The following DTNA variants were observed in gnomAD, a reference collection of about 807,000 sequenced individuals.
DTNA encodes the protein dystrobrevin alpha, also known as dystrophin-related protein 3.
In DTNA, 43 loss-of-function variants were observed where a neutral mutation model predicts 100.7. The observed-to-expected ratio is 0.43, with a 90% CI of 0.33 to 0.55. The LOEUF is 0.55. DTNA is among the 20% of genes least tolerant of loss of function. DTNA has a pLI of 0.04. For missense variants in DTNA, 798 were observed against 953.9 expected (o/e 0.84, Z 2.15); for synonymous variants, 349 against 347.9 (o/e 1.00, Z -0.04).
chr18:34,640,672 A>G (rs1430458141), intron 1 of DTNA, among the ~76,000 whole-genome samples: 2 of 152,218 alleles, frequency 1.3e-5, no homozygotes, highest in African/African-American at 4.8e-5. Context: ...GCTTTAACCA[A>G]CTGCCTAGAA....
chr18:34,503,223 C>T (rs2040118761), intron 1 of DTNA, among the ~76,000 whole-genome samples: 1 of 151,134 alleles, frequency 6.6e-6, no homozygotes, highest in African/African-American at 2.4e-5. Flanking sequence ...GTACTTTCCA[C>T]TGGCCCATAT....
chr18:34,762,199 A>G (rs1211074440), intron 2 of DTNA, among the ~76,000 whole-genome samples: 1 of 152,226 alleles, frequency 6.6e-6, no homozygotes, highest in African/African-American at 2.4e-5. Flanking sequence ...TACGCTTTTT[A>G]ATAAGACTAC....
chr18:34,629,587 G>A (rs186815730), intron 1 of DTNA, among the ~76,000 whole-genome samples: 57 of 152,246 alleles, frequency 3.7e-4, no homozygotes, highest in African/African-American at 1.1e-3. Context: ...AATTCAAGTC[G>A]TAGTGAGATA....
chr18:34,703,201 G>A (rs554762193), intron 1 of DTNA, among the ~76,000 whole-genome samples: 1 of 152,142 alleles, frequency 6.6e-6, no homozygotes, highest in South Asian at 2.1e-4. Context: ...GGTCATCACT[G>A]GGATGTAGAG....
intron 1 of DTNA, among the ~76,000 whole-genome samples, chr18:34,691,159 A>G (rs2079702002): frequency 6.6e-6 from 1 of 152,216 alleles, no homozygotes; most frequent in South Asian, 2.1e-4. Flanking sequence ...TAGCACACCT[A>G]TATTAACAGA....
intron 1 of DTNA, among the ~76,000 whole-genome samples, chr18:34,500,501 TCGCCCAGGCTG>T (rs2039783144): frequency 6.6e-6 from 1 of 151,234 alleles, no homozygotes; most frequent in East Asian, 1.9e-4. Flanking sequence ...TCTCATTCTG[TCGCCCAGGCTG>T]GAGCGCAATA....
chr18:34,521,181 T>C (rs2042117304), intron 1 of DTNA, among the ~76,000 whole-genome samples: 1 of 152,136 alleles, frequency 6.6e-6, no homozygotes, highest in South Asian at 2.1e-4. Flanking sequence ...CCCAGTATGT[T>C]TCCAGCAGTC....
At chr18:34,666,419 A>T (rs1414514537) in intron 1 of DTNA, among the ~76,000 whole-genome samples, 2 of 151,712 alleles carry the variant, frequency 1.3e-5, no homozygotes, top group African/African-American at 4.8e-5. Context: ...GAAGCTCTTT[A>T]GTTTAATTAG....
At chr18:34,632,404 A>T (rs2058185495) in intron 1 of DTNA, among the ~76,000 whole-genome samples, 1 of 152,162 alleles carries the variant, frequency 6.6e-6, no homozygotes, top group African/African-American at 2.4e-5. Context: ...GCTGCAAATG[A>T]TGCTGCTGTG....
intron 4 of DTNA, among the ~76,000 whole-genome samples, chr18:34,796,491 G>C (rs1287212746): frequency 6.6e-6 from 1 of 152,148 alleles, no homozygotes. Context: ...TCTGTATTTT[G>C]GCAGACATGA....
chr18:34,715,859 A>G (rs1387767264), intron 1 of DTNA, among the ~76,000 whole-genome samples: 1 of 152,332 alleles, frequency 6.6e-6, no homozygotes, highest in East Asian at 1.9e-4. Context: ...TAAATCTGTA[A>G]GAAAAAGCAC....
At chr18:34,556,622 A>T (rs1032963067) in intron 1 of DTNA, among the ~76,000 whole-genome samples, 4 of 151,024 alleles carry the variant, frequency 2.6e-5, no homozygotes, top group Non-Finnish European at 4.4e-5. Context: ...TTTCTCCTTC[A>T]CTTATGAAGC....
At chr18:34,808,331 G>T (rs538504244) in intron 5 of DTNA, among the ~76,000 whole-genome samples, 1 of 152,176 alleles carries the variant, frequency 6.6e-6, no homozygotes, top group Non-Finnish European at 1.5e-5. Flanking sequence ...GGGGGGCTTG[G>T]TGGAGGTGAC....
intron 11 of DTNA, among the ~76,000 whole-genome samples, chr18:34,837,676 T>C (rs1002373040): frequency 6.6e-6 from 1 of 152,210 alleles, no homozygotes; most frequent in Non-Finnish European, 1.5e-5. Context: ...TAGGTAATTT[T>C]CAAGTCTTTC....
intron 1 of DTNA, among the ~76,000 whole-genome samples, chr18:34,697,860 A>C (rs2080807254): frequency 6.6e-6 from 1 of 152,308 alleles, no homozygotes; most frequent in South Asian, 2.1e-4. Context: ...GGCACAGAAG[A>C]AGCCCAGGAA....
chr18:34,590,112 T>G (rs2049557760), intron 1 of DTNA, among the ~76,000 whole-genome samples: 1 of 152,224 alleles, frequency 6.6e-6, no homozygotes, highest in South Asian at 2.1e-4. Flanking sequence ...TTTGGGTATA[T>G]ACCCATAAAA....
Position 34,858,300 on chromosome 18 carries a change from G to C in DTNA, c.1548G>C (p.Glu516Asp). 1 of 1,614,136 alleles carries C rather than the reference G, an allele frequency of 6.2e-7. No individual in the cohort carries two copies. The highest frequency in any genetic ancestry group is 1.1e-5 in the South Asian group (1 of 91,078). The change falls in exon 16 of 23, where the codon GAG becomes GAC. Residue 516 changes from glutamate (E) to aspartate (D), a missense_variant. Around this residue, in one of 6 missense-constraint regions of DTNA, gnomAD observed 159 missense variants for 201.2 expected, o/e 0.79. Coordinates refer to ENST00000444659, the MANE Select transcript of DTNA (RefSeq NM_001386795.1). ...LENKNREILQ[E>D]IQRLRLEHEQ... ...CTCTCCCAAGAGAAATCTTACAGGA[G>C]ATCCAGAGACTTCGGCTAGAGCATG...
In DTNA at chr18:34,872,542, G is replaced by A. The variant is rs1036713094; in HGVS notation, c.1744-2697G>A. Among the ~76,000 whole-genome samples, 6 of 152,138 alleles carry A rather than the reference G, an allele frequency of 3.9e-5. No individual in the cohort carries two copies. In the East Asian group the frequency reaches 1.2e-3, roughly 29 times the overall value. On this transcript the variant is annotated intron_variant, in intron 17 of 22. Transcript: ENST00000444659. ...GTATCAGTTACCTCACATCCATTAAGACCAAATTCATTATGGAATGACCAG... is the reference window on the plus strand; with the variant it reads ...GTATCAGTTACCTCACATCCATTAAAACCAAATTCATTATGGAATGACCAG...
intron 1 of DTNA, among the ~76,000 whole-genome samples, chr18:34,725,969 A>G (rs2086578530): frequency 6.6e-6 from 1 of 152,188 alleles, no homozygotes; most frequent in Admixed American, 6.5e-5. Flanking sequence ...GAAACTGGAA[A>G]TCATCATTCT....
Sources: allele counts gnomAD v4.1 joint callset (sites outside exome capture counted in the v4.1 genomes callset), GRCh38; gene constraint gnomAD v4.1.1; regional missense constraint gnomAD v4.1.1; transcripts MANE v1.5; gene names NCBI Gene and HGNC (gene_info 2026-07-23, HGNC 2026-07-21).